The following GRIK4 variants were observed in gnomAD, a reference collection of about 807,000 sequenced individuals.
GRIK4 encodes the protein glutamate receptor ionotropic, kainate 4.
A neutral mutation model predicts 104.9 loss-of-function variants in GRIK4; 40 were observed. The observed-to-expected ratio is 0.38, with a 90% CI of 0.30 to 0.50. The LOEUF is 0.50. GRIK4 is among the 20% of genes least tolerant of loss of function. The pLI, the probability that GRIK4 is intolerant of heterozygous loss-of-function variation, is 0.93. For synonymous variants in GRIK4, 485 were observed against 524.9 expected, an observed-to-expected ratio of 0.92 and a Z score of 1.04; for missense variants, 1,047 against 1,308.1, an observed-to-expected ratio of 0.80 and a Z score of 3.08.
chr11:120,880,993 A>G (rs947933825), intron 11 of GRIK4, among the ~76,000 whole-genome samples: 9 of 152,170 alleles, frequency 5.9e-5, no homozygotes, highest in African/African-American at 2.2e-4. Context: ...CTTACTGTAC[A>G]GGGCTGGTAT....
chr11:120,520,292 G>A (rs901267038), intron 1 of GRIK4, among the ~76,000 whole-genome samples: 5 of 152,192 alleles, frequency 3.3e-5, no homozygotes, highest in Admixed American at 1.3e-4. Flanking sequence ...GTCCCAGCCC[G>A]TCCAGCCATC....
intron 3 of GRIK4, among the ~76,000 whole-genome samples, chr11:120,792,206 A>C (rs1345861943): frequency 6.6e-6 from 1 of 151,926 alleles, no homozygotes; most frequent in South Asian, 2.1e-4. Flanking sequence ...GAGGAGAGTG[A>C]GCAAAGGTGT....
chr11:120,702,599 G>T (rs1201395138), intron 3 of GRIK4, among the ~76,000 whole-genome samples: 2 of 152,216 alleles, frequency 1.3e-5, no homozygotes, highest in African/African-American at 4.8e-5. Flanking sequence ...GGAGCCCATA[G>T]AGGAGGATGA....
chr11:120,891,344 C>T (rs17124507), intron 11 of GRIK4, among the ~76,000 whole-genome samples: 6,965 of 152,296 alleles, frequency 0.046, 516 homozygotes, highest in African/African-American at 0.15. Flanking sequence ...CCGTTCCCAT[C>T]GCTGTCTTGA....
chr11:120,925,761 G>A (rs1024751177), intron 13 of GRIK4, among the ~76,000 whole-genome samples: 5 of 151,938 alleles, frequency 3.3e-5, no homozygotes, highest in East Asian at 1.9e-4. Flanking sequence ...ACCTGAGGTC[G>A]GGAGTTCACG....
chr11:120,731,013 G>A (rs1001836213), intron 3 of GRIK4, among the ~76,000 whole-genome samples: 13 of 152,084 alleles, frequency 8.5e-5, no homozygotes, highest in Non-Finnish European at 1.5e-5. Context: ...TGCAAACAAG[G>A]ATAATTTGAT....
intron 13 of GRIK4, among the ~76,000 whole-genome samples, chr11:120,926,517 G>C (rs1197067929): frequency 6.6e-6 from 1 of 152,150 alleles, no homozygotes; most frequent in East Asian, 1.9e-4. Flanking sequence ...TGAGGAAACT[G>C]AGGTACAAAG....
chr11:120,917,707 G>C (rs536840669), intron 13 of GRIK4, among the ~76,000 whole-genome samples: 7 of 152,284 alleles, frequency 4.6e-5, no homozygotes, highest in South Asian at 4.2e-4. Flanking sequence ...GGAGTTGCCC[G>C]GGGGGATCTG....
At chr11:120,914,991 A>G (rs2134544818) in intron 13 of GRIK4, among the ~76,000 whole-genome samples, 1 of 152,260 alleles carries the variant, frequency 6.6e-6, no homozygotes, top group Middle Eastern at 3.4e-3. Flanking sequence ...TGAGTCTGGG[A>G]CCCAGTGAGT....
chr11:120,901,295 T>C (rs1344631980), intron 12 of GRIK4, among the ~76,000 whole-genome samples: 1 of 151,808 alleles, frequency 6.6e-6, no homozygotes, highest in African/African-American at 2.4e-5. Flanking sequence ...GTCTAGTGGA[T>C]GGCTCAAGAC....
At chr11:120,983,317 C>G (rs577774766) in intron 20 of GRIK4, among the ~76,000 whole-genome samples, 1 of 152,306 alleles carries the variant, frequency 6.6e-6, no homozygotes, top group Non-Finnish European at 1.5e-5. Context: ...CCAAGGGGAT[C>G]CAGCTGAGAG....
At chr11:120,897,627 A>AAAAAAAAAAAAAAAAAAAAAT (rs1555088585) in intron 11 of GRIK4, among the ~76,000 whole-genome samples, 1 of 142,004 alleles carries the variant, frequency 7.0e-6, no homozygotes, top group African/African-American at 2.7e-5. Context: ...AAAAAAAAAA[A>AAAAAAAAAAAAAAAAAAAAAT]GAGTACATCT....
intron 1 of GRIK4, among the ~76,000 whole-genome samples, chr11:120,628,754 G>C (rs759065587): frequency 6.6e-6 from 1 of 152,218 alleles, no homozygotes; most frequent in Non-Finnish European, 1.5e-5. Context: ...CTGTGGGGCA[G>C]AGGGACTTCT....
At chr11:120,854,353 C>T (rs539571809) in intron 8 of GRIK4, among the ~76,000 whole-genome samples, 51 of 152,218 alleles carry the variant, frequency 3.4e-4, no homozygotes, top group African/African-American at 1.2e-3. Context: ...TGTTAGGAAG[C>T]AGAGCCAGTT....
chr11:120,536,315 C>T (rs974505122), intron 1 of GRIK4, among the ~76,000 whole-genome samples: 1 of 152,198 alleles, frequency 6.6e-6, no homozygotes, highest in African/African-American at 2.4e-5. Context: ...GCCCAAACCA[C>T]CTCTTTTTCT....
chr11:120,636,999 T>TCTGC (rs142301325), intron 1 of GRIK4, among the ~76,000 whole-genome samples: 1 of 152,256 alleles, frequency 6.6e-6, no homozygotes, highest in African/African-American at 2.4e-5. Context: ...AAAACCAGCT[T>TCTGC]CTGCCTGCTT....
intron 1 of GRIK4, among the ~76,000 whole-genome samples, chr11:120,546,251 A>C (rs978037642): frequency 6.6e-6 from 1 of 152,052 alleles, no homozygotes; most frequent in African/African-American, 2.4e-5. Flanking sequence ...GTTCGCCCCC[A>C]GTTGCTGTGG....
intron 18 of GRIK4, among the ~76,000 whole-genome samples, chr11:120,964,093 G>C (rs540321144): frequency 1.4e-4 from 22 of 152,036 alleles, no homozygotes; most frequent in Admixed American, 2.6e-4. Context: ...CCCACTTCAA[G>C]TGATTCTCAT....
intron 1 of GRIK4, among the ~76,000 whole-genome samples, chr11:120,621,386 A>G (rs1211657908): frequency 1.3e-5 from 2 of 152,226 alleles, no homozygotes; most frequent in African/African-American, 4.8e-5. Flanking sequence ...TTGAACAGGT[A>G]ATAATAGGAT....
Sources: allele counts gnomAD v4.1 joint callset (sites outside exome capture counted in the v4.1 genomes callset), GRCh38; gene constraint gnomAD v4.1.1; transcripts MANE v1.5; gene names NCBI Gene and HGNC (gene_info 2026-07-23, HGNC 2026-07-21).